Variants in WWOX observed in about 807,000 individuals in gnomAD.
WWOX encodes WW domain-containing oxidoreductase.
WWOX carries 69 observed loss-of-function variants against 46.2 expected under a neutral mutation model. The ratio of observed to expected loss-of-function variants is 1.49; its 90% CI spans 1.23 to 1.82. The LOEUF is 1.82. WWOX is among the 40% of genes most tolerant of loss of function. The pLI, the probability that WWOX is intolerant of heterozygous loss-of-function variation, is 0.00. For missense variants in WWOX, 919 were observed against 542.6 expected (o/e 1.69, Z -6.89); for synonymous variants, 359 against 202.6 (o/e 1.77, Z -6.56).
At chr16:78,719,187 A>C (rs555119825) in intron 8 of WWOX, among the ~76,000 whole-genome samples, 4 of 152,278 alleles carry the variant, frequency 2.6e-5, no homozygotes, top group African/African-American at 7.2e-5. Context: ...TTCTTGCCTG[A>C]ACCTGATCAA....
chr16:78,852,006 C>G (rs548122862), intron 8 of WWOX, among the ~76,000 whole-genome samples: 70 of 152,272 alleles, frequency 4.6e-4, no homozygotes, highest in African/African-American at 1.6e-3. Context: ...CTTTTGGGAT[C>G]CTTGTATAAT....
chr16:78,965,119 G>C (rs1317512686), intron 8 of WWOX, among the ~76,000 whole-genome samples: 1 of 152,228 alleles, frequency 6.6e-6, no homozygotes, highest in African/African-American at 2.4e-5. Flanking sequence ...GGAGCCTCCA[G>C]GCAGAGTCCA....
At chr16:78,900,376 A>C (rs1030311641) in intron 8 of WWOX, among the ~76,000 whole-genome samples, 1 of 152,018 alleles carries the variant, frequency 6.6e-6, no homozygotes, top group Non-Finnish European at 1.5e-5. Flanking sequence ...ATTATTAAAA[A>C]CTGTGCATGT....
At chr16:78,430,559 A>G (rs1280909761) in intron 7 of WWOX, among the ~76,000 whole-genome samples, 2 of 152,098 alleles carry the variant, frequency 1.3e-5, no homozygotes, top group African/African-American at 4.8e-5. Flanking sequence ...CCCTGCTACC[A>G]TCACCAGCAG....
chr16:78,557,192 A>T (rs959270364), intron 8 of WWOX, among the ~76,000 whole-genome samples: 2 of 151,904 alleles, frequency 1.3e-5, no homozygotes, highest in African/African-American at 4.8e-5. Flanking sequence ...CTGAATACCC[A>T]AGCTTGCTAA....
intron 8 of WWOX, among the ~76,000 whole-genome samples, chr16:78,626,374 T>C (rs1432626666): frequency 6.6e-6 from 1 of 152,220 alleles, no homozygotes; most frequent in Admixed American, 6.5e-5. Flanking sequence ...TTCTCAGAAT[T>C]GTCTTTGTGA....
chr16:78,638,932 A>G (rs2046639131), intron 8 of WWOX, among the ~76,000 whole-genome samples: 1 of 152,166 alleles, frequency 6.6e-6, no homozygotes, highest in South Asian at 2.1e-4. Flanking sequence ...ATATCAGTGT[A>G]AAACAAGAGA....
chr16:78,771,236 C>T (rs2050057314), intron 8 of WWOX, among the ~76,000 whole-genome samples: 1 of 152,180 alleles, frequency 6.6e-6, no homozygotes, highest in Non-Finnish European at 1.5e-5. Flanking sequence ...GCTCTGGCTG[C>T]TGTGTTGAGT....
At chr16:79,148,477 A>C (rs2050219514) in intron 8 of WWOX, among the ~76,000 whole-genome samples, 1 of 152,140 alleles carries the variant, frequency 6.6e-6, no homozygotes, top group Admixed American at 6.5e-5. Context: ...CTATGTAGTA[A>C]GCCTCATGTC....
intron 5 of WWOX, among the ~76,000 whole-genome samples, chr16:78,345,443 AAACC>A (rs2081076075): frequency 2.5e-5 from 2 of 80,800 alleles, no homozygotes; most frequent in East Asian, 4.6e-4. Flanking sequence ...CACCATGGCA[AAACC>A]CCATCGCTAC....
intron 8 of WWOX, among the ~76,000 whole-genome samples, chr16:78,729,426 C>T (rs1383276401): frequency 1.3e-5 from 2 of 151,954 alleles, no homozygotes; most frequent in East Asian, 1.9e-4. Context: ...TATGCCCTTA[C>T]TTGGAAAAAG....
intron 6 of WWOX, among the ~76,000 whole-genome samples, chr16:78,404,566 T>G (rs1011945135): frequency 1.3e-5 from 2 of 152,172 alleles, no homozygotes; most frequent in African/African-American, 4.8e-5. Flanking sequence ...AAATTCTACT[T>G]TGGCCTATCA....
chr16:78,783,313 A>G (rs2050375738), intron 8 of WWOX, among the ~76,000 whole-genome samples: 2 of 152,216 alleles, frequency 1.3e-5, no homozygotes, highest in Non-Finnish European at 2.9e-5. Flanking sequence ...GTTGAATGAA[A>G]CATGCCATGG....
At chr16:78,637,299 G>A (rs2046595656) in intron 8 of WWOX, among the ~76,000 whole-genome samples, 1 of 152,022 alleles carries the variant, frequency 6.6e-6, no homozygotes, top group Non-Finnish European at 1.5e-5. Flanking sequence ...AAAATTAGCT[G>A]GGCATGGTGG....
chr16:79,162,373 C>T (rs1289095248), intron 8 of WWOX, among the ~76,000 whole-genome samples: 2 of 152,182 alleles, frequency 1.3e-5, no homozygotes, highest in African/African-American at 2.4e-5. Flanking sequence ...GTTACGTGCA[C>T]AGGTTGTAAT....
intron 8 of WWOX, among the ~76,000 whole-genome samples, chr16:78,454,363 TGTG>T (rs772305539): frequency 0.15 from 18,215 of 118,524 alleles, 1,722 homozygotes; most frequent in African/African-American, 0.46. Context: ...TATTCGTGTG[TGTG>T]TGTGTGTGTG....
At chr16:78,352,674 C>G (rs904330219) in intron 5 of WWOX, among the ~76,000 whole-genome samples, 2 of 152,212 alleles carry the variant, frequency 1.3e-5, no homozygotes, top group Non-Finnish European at 2.9e-5. Context: ...ACCTTAATTA[C>G]CATTTGCTAT....
intron 8 of WWOX, among the ~76,000 whole-genome samples, chr16:78,916,536 C>T (rs553488455): frequency 6.6e-6 from 1 of 152,226 alleles, no homozygotes; most frequent in East Asian, 1.9e-4. Context: ...TATAATTTAC[C>T]ATCCAATGGA....
chr16:78,183,416 T>G lies in WWOX; in HGVS notation c.516+19127T>G, dbSNP rs117252482. ...TGAGCGTGAAAGGTTTTCTTTGACTTTGGTGGTCTAGTTAGTGGTTGAGAA... is the reference window on the plus strand; with the variant it reads ...TGAGCGTGAAAGGTTTTCTTTGACTGTGGTGGTCTAGTTAGTGGTTGAGAA... On this transcript the variant is annotated intron_variant, in intron 5 of 8. Coordinates refer to ENST00000566780, the MANE Select transcript of WWOX (RefSeq NM_016373.4). 6.5e-3 allele frequency among the ~76,000 whole-genome samples: 996 copies of G among 152,240 alleles called. 4 individuals are homozygous for G. The highest frequency in any genetic ancestry group is 0.031 in the Middle Eastern group (9 of 294).
Sources: gnomAD v4.1 joint callset for allele counts (sites outside exome capture counted in the v4.1 genomes callset) on GRCh38, gnomAD v4.1.1 for gene constraint, MANE v1.5 for transcripts, NCBI Gene and HGNC (gene_info 2026-07-23, HGNC 2026-07-21) for gene names.